TECRL: variants seen among roughly 807,000 people sequenced by gnomAD.
TECRL encodes the protein trans-2,3-enoyl-CoA reductase-like.
In TECRL, 63 loss-of-function variants were observed where a neutral mutation model predicts 52.8. That is an observed-to-expected ratio of 1.19 (90% CI 0.97 to 1.47). The LOEUF (loss-of-function observed/expected upper bound fraction) is 1.47, where lower values mean the gene tolerates loss of function less well. Ranked by LOEUF, TECRL falls within the 40% of genes most tolerant of loss-of-function variation. The pLI, the probability that TECRL is intolerant of heterozygous loss-of-function variation, is 0.00. For synonymous variants in TECRL, 164 were observed against 141.9 expected, an observed-to-expected ratio of 1.16 and a Z score of -1.10; for missense variants, 482 against 429.6, an observed-to-expected ratio of 1.12 and a Z score of -1.08.
chr4:64,345,118 A>G (rs897838767), intron 2 of TECRL, among the ~76,000 whole-genome samples: 1 of 152,174 alleles, frequency 6.6e-6, no homozygotes, highest in Non-Finnish European at 1.5e-5. Context: ...GGGACTGTAA[A>G]CTAGTTCAAC....
At chr4:64,315,218 T>C (rs1717413631) in intron 4 of TECRL, among the ~76,000 whole-genome samples, 1 of 152,126 alleles carries the variant, frequency 6.6e-6, no homozygotes, top group African/African-American at 2.4e-5. Flanking sequence ...ATCCATTGAT[T>C]TGACTCTAAT....
rs183762498 is a variant in TECRL at position 64,278,535 on chromosome 4, A to G, written c.*1537T>C. 771 of 178,040 alleles carry G rather than the reference A, an allele frequency of 4.3e-3. 4 individuals are homozygous for G. The highest frequency in any genetic ancestry group is 6.8e-3 in the Admixed American group (104 of 15,302). 11.0% of individuals were successfully genotyped at this position (178,040 alleles called of 1,614,324 possible). ...TTGGGAGATACATAATAATGTTTCA[A>G]TACATATAATTTATAGTGGTCAGAT... On this transcript the variant is annotated 3_prime_UTR_variant, in exon 12 of 12. Coordinates refer to ENST00000381210, the MANE Select transcript of TECRL (RefSeq NM_001010874.5).
chr4:64,343,511 T>C (rs1236450055), intron 2 of TECRL, among the ~76,000 whole-genome samples: 1 of 151,752 alleles, frequency 6.6e-6, no homozygotes, highest in Non-Finnish European at 1.5e-5. Flanking sequence ...AAAGAAACAT[T>C]TATCATGATA....
At chr4:64,353,063 G>A (rs1452722204) in intron 2 of TECRL, among the ~76,000 whole-genome samples, 2 of 152,048 alleles carry the variant, frequency 1.3e-5, no homozygotes, top group Non-Finnish European at 2.9e-5. Flanking sequence ...TACTGGACTA[G>A]TTGTATTTTT....
intron 2 of TECRL, among the ~76,000 whole-genome samples, chr4:64,345,814 G>T (rs10517896): frequency 0.68 from 102,114 of 149,584 alleles, 35,621 homozygotes; most frequent in Non-Finnish European, 0.76. Flanking sequence ...AGAACTGTAT[G>T]GTTGCAGGTA....
intron 10 of TECRL, 64 bp from the exon 11 acceptor site, chr4:64,281,150 G>A (rs1476108226): frequency 1.6e-6 from 2 of 1,274,772 alleles, no homozygotes; most frequent in Non-Finnish European, 2.2e-6. Flanking sequence ...TTCATTTGTG[G>A]CTTTAACAGG....
At chr4:64,344,204 A>C (rs181228682) in intron 2 of TECRL, among the ~76,000 whole-genome samples, 118 of 151,816 alleles carry the variant, frequency 7.8e-4, no homozygotes, top group East Asian at 1.7e-3. Flanking sequence ...CTCCATATGT[A>C]ACATATTTAT....
chr4:64,319,927 T>A (rs1233700114), intron 4 of TECRL, among the ~76,000 whole-genome samples: 1 of 151,928 alleles, frequency 6.6e-6, no homozygotes, highest in African/African-American at 2.4e-5. Context: ...CATCAGTGGT[T>A]ACTCCAGGAT....
intron 2 of TECRL, among the ~76,000 whole-genome samples, chr4:64,344,144 T>C (rs1279591803): frequency 2.0e-5 from 3 of 151,512 alleles, no homozygotes; most frequent in African/African-American, 7.3e-5. Context: ...GACAAAATCA[T>C]AGGAAAAAAC....
At chr4:64,385,421 C>A (rs145846522) in intron 1 of TECRL, among the ~76,000 whole-genome samples, 1,883 of 152,256 alleles carry the variant, frequency 0.012, 47 homozygotes, top group African/African-American at 0.043. Context: ...AGCTCTCAGG[C>A]TTGTGGGAGT....
At chr4:64,305,037 AATATG>A in intron 7 of TECRL, 124 bp downstream of exon 7, 1 of 630,172 alleles carries the variant, frequency 1.6e-6, no homozygotes, top group South Asian at 3.7e-5. Context: ...CATTTAAAGA[AATATG>A]ATATGAAAGC....
chr4:64,325,213 CCAAA>C (rs1718181225), intron 3 of TECRL, among the ~76,000 whole-genome samples: 1 of 152,186 alleles, frequency 6.6e-6, no homozygotes, highest in African/African-American at 2.4e-5. Flanking sequence ...ACTGCAAAGA[CCAAA>C]CAAACAGACA....
chr4:64,361,490 C>T (rs1236804329), intron 2 of TECRL, among the ~76,000 whole-genome samples: 1 of 152,146 alleles, frequency 6.6e-6, no homozygotes, highest in Non-Finnish European at 1.5e-5. Flanking sequence ...AGATTGGGAA[C>T]ATCTTGGACC....
chr4:64,368,600 A>C (rs1721776590), intron 2 of TECRL, among the ~76,000 whole-genome samples: 1 of 152,158 alleles, frequency 6.6e-6, no homozygotes, highest in South Asian at 2.1e-4. Context: ...AGCCCTCATA[A>C]TTGTTTTTTA....
At chr4:64,363,760 A>AT (rs1721391024) in intron 2 of TECRL, among the ~76,000 whole-genome samples, 1 of 152,140 alleles carries the variant, frequency 6.6e-6, no homozygotes. Flanking sequence ...TAAGAATATA[A>AT]CGTACATTGA....
chr4:64,362,674 G>A (rs1384489520), intron 2 of TECRL, among the ~76,000 whole-genome samples: 1 of 151,948 alleles, frequency 6.6e-6, no homozygotes, highest in Non-Finnish European at 1.5e-5. Context: ...CCACCAGACT[G>A]CCTTACAAAA....
chr4:64,286,022 T>C (rs1185177668), intron 9 of TECRL, among the ~76,000 whole-genome samples: 1 of 152,108 alleles, frequency 6.6e-6, no homozygotes, highest in Admixed American at 6.6e-5. Flanking sequence ...TTATTTTTCT[T>C]CAAAGTCAAT....
intron 2 of TECRL, among the ~76,000 whole-genome samples, chr4:64,332,832 G>T (rs531373120): frequency 6.6e-6 from 1 of 152,102 alleles, no homozygotes; most frequent in Non-Finnish European, 1.5e-5. Context: ...AAAGGTGTAG[G>T]ATATATACAT....
intron 4 of TECRL, among the ~76,000 whole-genome samples, chr4:64,316,347 T>G: frequency 6.6e-6 from 1 of 152,124 alleles, no homozygotes; most frequent in East Asian, 1.9e-4. Context: ...ATATAAAATA[T>G]GTTTTAGAAG....
Sources: allele counts gnomAD v4.1 joint callset (sites outside exome capture counted in the v4.1 genomes callset), GRCh38; gene constraint gnomAD v4.1.1; transcripts MANE v1.5; gene names NCBI Gene and HGNC (gene_info 2026-07-23, HGNC 2026-07-21).